CACNA1D: variants seen among roughly 807,000 people sequenced by gnomAD.
CACNA1D encodes the protein voltage-dependent L-type calcium channel subunit alpha-1D.
A neutral mutation model predicts 257.1 loss-of-function variants in CACNA1D; 55 were observed. The observed-to-expected ratio is 0.21, with a 90% CI of 0.17 to 0.27. CACNA1D has a LOEUF of 0.27. Among genes scored for constraint, CACNA1D ranks in the 10% least tolerant of loss-of-function variants. CACNA1D has a pLI of 1.00. For synonymous variants in CACNA1D, 980 were observed against 1,014.9 expected, an observed-to-expected ratio of 0.97 and a Z score of 0.65; for missense variants, 1,876 against 2,784.0, an observed-to-expected ratio of 0.67 and a Z score of 7.34.
intron 11 of CACNA1D, 76 bp downstream of exon 11, chr3:53,719,857 T>C: frequency 2.3e-6 from 3 of 1,312,384 alleles, no homozygotes; most frequent in Non-Finnish European, 3.3e-6. Context: ...TTTTACGTAG[T>C]ATTGCTCTGG....
chr3:53,517,688 T>G (rs960549688), intron 3 of CACNA1D, among the ~76,000 whole-genome samples: 10 of 152,148 alleles, frequency 6.6e-5, no homozygotes, highest in African/African-American at 2.4e-4. Context: ...TTCACCATAT[T>G]GGCCAGGCTG....
At chr3:53,672,638 A>G (rs1158516523) in intron 7 of CACNA1D, among the ~76,000 whole-genome samples, 2 of 152,176 alleles carry the variant, frequency 1.3e-5, no homozygotes, top group Non-Finnish European at 2.9e-5. Context: ...GTCCTCTACC[A>G]AGACCTTTCC....
At chr3:53,693,796 G>T (rs1249022839) in intron 8 of CACNA1D, among the ~76,000 whole-genome samples, 1 of 151,882 alleles carries the variant, frequency 6.6e-6, no homozygotes, top group East Asian at 1.9e-4. Context: ...TGGAGGTTAT[G>T]TTGTTTTTTG....
intron 3 of CACNA1D, among the ~76,000 whole-genome samples, chr3:53,580,275 G>T (rs952048923): frequency 2.6e-5 from 4 of 152,238 alleles, no homozygotes; most frequent in African/African-American, 9.6e-5. Flanking sequence ...TTCTTGCTCT[G>T]CTCATTCACC....
intron 3 of CACNA1D, among the ~76,000 whole-genome samples, chr3:53,587,676 G>C (rs145322394): frequency 6.6e-6 from 1 of 152,088 alleles, no homozygotes; most frequent in African/African-American, 2.4e-5. Flanking sequence ...TGATTCTTTC[G>C]TCTTTCCCGT....
chr3:53,580,707 T>C (rs2093118583), intron 3 of CACNA1D, among the ~76,000 whole-genome samples: 1 of 152,250 alleles, frequency 6.6e-6, no homozygotes, highest in Admixed American at 6.5e-5. Context: ...AGCATTTATT[T>C]CCCAGTGCAA....
intron 40 of CACNA1D, among the ~76,000 whole-genome samples, chr3:53,794,068 A>G (rs1414753866): frequency 2.0e-5 from 3 of 152,206 alleles, no homozygotes; most frequent in Non-Finnish European, 4.4e-5. Context: ...CCACAGGACT[A>G]TTGGGTACTA....
Position 53,718,239 on chromosome 3 carries a change from G to T in CACNA1D, c.1391-62G>T, listed in dbSNP as rs2094841304. On this transcript the variant is annotated intron_variant, in intron 9 of 47. Coordinates refer to ENST00000350061, the MANE Select transcript of CACNA1D (RefSeq NM_001128840.3). ...GCCTGGTGGCAGAGGCTCCCACCTG[G>T]CCTGCCTCCCAGGCGTGCAGTGTGC... The T allele has an allele frequency of 4.9e-6, 7 of 1,440,112 alleles. No individual in the cohort carries two copies. The Admixed American group carries it at 6.7e-5, about 14-fold the overall frequency. 89.2% of individuals were successfully genotyped at this position (1,440,112 alleles called of 1,614,324 possible).
chr3:53,550,923 T>C (rs934068732), intron 3 of CACNA1D, among the ~76,000 whole-genome samples: 1 of 152,200 alleles, frequency 6.6e-6, no homozygotes, highest in Admixed American at 6.5e-5. Flanking sequence ...CCCTCTGAAA[T>C]AAATAAAATT....
chr3:53,787,002 G>C, intron 40 of CACNA1D, 50 bp downstream of exon 40: 1 of 1,601,456 alleles, frequency 6.2e-7, no homozygotes. Context: ...GATTTTACAA[G>C]CTTATTTGAA....
intron 3 of CACNA1D, among the ~76,000 whole-genome samples, chr3:53,631,182 T>C (rs1447388477): frequency 1.3e-5 from 2 of 152,220 alleles, no homozygotes; most frequent in Admixed American, 1.3e-4. Context: ...TGGGATGCTG[T>C]TTGACCGCAT....
chr3:53,742,951 C>G (rs1576527320), intron 21 of CACNA1D, 60 bp from the exon 22 acceptor site: 7 of 1,059,412 alleles, frequency 6.6e-6, no homozygotes, highest in Non-Finnish European at 1.0e-5. Flanking sequence ...TTGCAAAGAG[C>G]CCAGGTTTCT....
chr3:53,788,383 C>T (rs1369166455), intron 40 of CACNA1D, among the ~76,000 whole-genome samples: 1 of 152,234 alleles, frequency 6.6e-6, no homozygotes, highest in Non-Finnish European at 1.5e-5. Context: ...CTCAGTCACA[C>T]AGCCCATTGG....
chr3:53,615,524 T>C (rs1287103982), intron 3 of CACNA1D, among the ~76,000 whole-genome samples: 1 of 152,228 alleles, frequency 6.6e-6, no homozygotes, highest in East Asian at 1.9e-4. Context: ...CACTGCTTTA[T>C]AGCCTGGTGG....
chr3:53,770,327 TCTTAC>T (rs2095359527), intron 31 of CACNA1D, 92 bp from the exon 32 acceptor site: 4 of 1,176,706 alleles, frequency 3.4e-6, no homozygotes, highest in Non-Finnish European at 5.1e-6. Context: ...CATCTTCAGT[TCTTAC>T]CTCTGTCACC....
intron 3 of CACNA1D, among the ~76,000 whole-genome samples, chr3:53,597,336 G>A (rs1431252551): frequency 6.6e-6 from 1 of 152,194 alleles, no homozygotes; most frequent in Non-Finnish European, 1.5e-5. Flanking sequence ...GAAAATTAGA[G>A]CAGGTTGATG....
chr3:53,722,013 G>T (rs970586269), intron 11 of CACNA1D, among the ~76,000 whole-genome samples: 1 of 152,198 alleles, frequency 6.6e-6, no homozygotes, highest in Non-Finnish European at 1.5e-5. Context: ...TGAATATCTA[G>T]ATTTTCTAAC....
At chr3:53,593,168 T>G (rs955442375) in intron 3 of CACNA1D, among the ~76,000 whole-genome samples, 1 of 152,236 alleles carries the variant, frequency 6.6e-6, no homozygotes, top group African/African-American at 2.4e-5. Context: ...TGAACCAAAC[T>G]TGATAGCTAC....
At chr3:53,562,160 A>G (rs1163156226) in intron 3 of CACNA1D, among the ~76,000 whole-genome samples, 1 of 152,224 alleles carries the variant, frequency 6.6e-6, no homozygotes, top group Non-Finnish European at 1.5e-5. Flanking sequence ...TCTTGAGAGT[A>G]TTTAGAAATC....
Sources: allele counts gnomAD v4.1 joint callset (sites outside exome capture counted in the v4.1 genomes callset), GRCh38; gene constraint gnomAD v4.1.1; transcripts MANE v1.5; gene names NCBI Gene and HGNC (gene_info 2026-07-23, HGNC 2026-07-21).